Variants in RSBN1L observed in about 807,000 individuals in gnomAD.
RSBN1L encodes the protein round spermatid basic protein 1 like.
RSBN1L carries 30 observed loss-of-function variants against 67.7 expected under a neutral mutation model. The observed-to-expected ratio is 0.44, with a 90% CI of 0.33 to 0.60. The LOEUF is 0.60. RSBN1L is among the 20% of genes least tolerant of loss of function. The pLI is 0.02. For missense variants in RSBN1L, 992 were observed against 1,031.7 expected (o/e 0.96, Z 0.53); for synonymous variants, 433 against 387.0 (o/e 1.12, Z -1.39).
Position 77,748,403 on chromosome 7 carries a change from C to G in RSBN1L, c.704-1021C>G, listed in dbSNP as rs556719889. On this transcript the variant is annotated intron_variant, in intron 2 of 7. Transcript: ENST00000334955. ...AACATTCTGGGAAAGCAAATTTAAA[C>G]AGATTGAAAACAGAACCAGAATTTA... is the stretch of plus-strand genomic sequence containing the variant. Among the ~76,000 whole-genome samples, 147 of 152,238 alleles carry G rather than the reference C, an allele frequency of 9.7e-4. 1 individual carries two copies. The highest frequency in any genetic ancestry group is 1.7e-3 in the Non-Finnish European group (115 of 68,016).
intron 2 of RSBN1L, 103 bp downstream of exon 2, chr7:77,736,629 C>T (rs937622326): frequency 4.6e-5 from 26 of 562,132 alleles, no homozygotes; most frequent in Non-Finnish European, 7.0e-5. Context: ...CTGAATTTTG[C>T]GGAGAATGAA....
chr7:77,700,088 C>G, intron 1 of RSBN1L, among the ~76,000 whole-genome samples: 1 of 152,126 alleles, frequency 6.6e-6, no homozygotes, highest in East Asian at 1.9e-4. Flanking sequence ...AGCCACCGTG[C>G]CTGGCCAACA....
intron 1 of RSBN1L, among the ~76,000 whole-genome samples, chr7:77,716,553 A>T (rs961944394): frequency 7.1e-6 from 1 of 141,440 alleles, no homozygotes; most frequent in African/African-American, 2.6e-5. Flanking sequence ...AAATTTATTG[A>T]TTAAACTAGG....
At chr7:77,717,907 T>C (rs1373404637) in intron 1 of RSBN1L, among the ~76,000 whole-genome samples, 1 of 152,146 alleles carries the variant, frequency 6.6e-6, no homozygotes, top group East Asian at 1.9e-4. Context: ...TAATCTCAGC[T>C]ACTTGGGAGG....
intron 6 of RSBN1L, among the ~76,000 whole-genome samples, chr7:77,774,749 A>C (rs987615906): frequency 3.4e-4 from 51 of 152,236 alleles, no homozygotes; most frequent in African/African-American, 1.1e-3. Context: ...ACCACCAACA[A>C]CAACAAAAAA....
intron 5 of RSBN1L, among the ~76,000 whole-genome samples, chr7:77,772,221 C>G (rs6974042): frequency 0.023 from 3,441 of 151,844 alleles, 124 homozygotes; most frequent in African/African-American, 0.078. Flanking sequence ...CAGGGGTGCA[C>G]AAAGAGTAGT....
At chr7:77,698,013 A>T (rs185128474) in intron 1 of RSBN1L, among the ~76,000 whole-genome samples, 128 of 152,328 alleles carry the variant, frequency 8.4e-4, no homozygotes, top group South Asian at 1.2e-3. Flanking sequence ...GCACTGCTAC[A>T]CAGTGTTGTC....
intron 1 of RSBN1L, among the ~76,000 whole-genome samples, chr7:77,715,463 C>G (rs1791035027): frequency 6.6e-6 from 1 of 151,922 alleles, no homozygotes; most frequent in South Asian, 2.1e-4. Context: ...CGCCACCACA[C>G]TCGGGTAATT....
intron 1 of RSBN1L, among the ~76,000 whole-genome samples, chr7:77,707,789 A>G (rs1790915187): frequency 6.6e-6 from 1 of 152,214 alleles, no homozygotes; most frequent in African/African-American, 2.4e-5. Flanking sequence ...TCATAAGCTT[A>G]TGCAGTGAGT....
At chr7:77,718,389 C>T (rs1453741591) in intron 1 of RSBN1L, among the ~76,000 whole-genome samples, 1 of 152,138 alleles carries the variant, frequency 6.6e-6, no homozygotes, top group Non-Finnish European at 1.5e-5. Flanking sequence ...CTTCTGGGCT[C>T]AGTTGATCCT....
At chr7:77,722,024 T>C (rs760284434) in intron 1 of RSBN1L, among the ~76,000 whole-genome samples, 10 of 152,226 alleles carry the variant, frequency 6.6e-5, no homozygotes, top group Non-Finnish European at 1.5e-4. Flanking sequence ...TAAACTGAAC[T>C]GGTCAAGTGA....
rs6965256 is a variant in RSBN1L at position 77,773,460 on chromosome 7, A to C, written c.1793+146A>C. 7.7e-3 allele frequency: 4,054 copies of C among 528,890 alleles called. 117 individuals are homozygous for C. Among genetic ancestry groups the C allele is most frequent in the African/African-American group, 0.069 (3,527 of 51,452 alleles). The allele number at this position is 528,890 out of a possible 1,614,324, so 32.8% of individuals were successfully genotyped here. On this transcript the variant is annotated intron_variant, in intron 6 of 7. Coordinates refer to ENST00000334955, the MANE Select transcript of RSBN1L (RefSeq NM_198467.3). ...ATATCTTAATTGTATAATTGTACTA[A>C]AGATTTTAAATTGCTAGAATCTGGC...
intron 3 of RSBN1L, among the ~76,000 whole-genome samples, chr7:77,751,359 C>T (rs962902949): frequency 1.3e-5 from 2 of 152,050 alleles, no homozygotes; most frequent in African/African-American, 2.4e-5. Flanking sequence ...AGGGTGGTCT[C>T]GAACTCCTGA....
At chr7:77,768,895 A>G (rs542174553) in intron 5 of RSBN1L, 92 bp downstream of exon 5, 136 of 1,048,190 alleles carry the variant, frequency 1.3e-4, no homozygotes, top group East Asian at 9.3e-4. Flanking sequence ...GAGGAATGCA[A>G]AGTTTAGAGC....
At chr7:77,764,785 C>T (rs1244122824) in intron 3 of RSBN1L, among the ~76,000 whole-genome samples, 1 of 152,094 alleles carries the variant, frequency 6.6e-6, no homozygotes. Context: ...CGCCGGCCAC[C>T]ACACTCGGCT....
intron 1 of RSBN1L, among the ~76,000 whole-genome samples, chr7:77,715,136 G>A (rs2150414506): frequency 6.6e-6 from 1 of 152,030 alleles, no homozygotes; most frequent in African/African-American, 2.4e-5. Flanking sequence ...GTCAGGTGTG[G>A]TGGCATGTGC....
At chr7:77,762,769 G>A (rs1308938546) in intron 3 of RSBN1L, among the ~76,000 whole-genome samples, 3 of 151,738 alleles carry the variant, frequency 2.0e-5, no homozygotes, top group Admixed American at 6.6e-5. Flanking sequence ...AATTGGTTCC[G>A]GTTTTCTGAT....
intron 1 of RSBN1L, among the ~76,000 whole-genome samples, chr7:77,730,796 C>G (rs548503837): frequency 1.3e-5 from 2 of 152,250 alleles, no homozygotes; most frequent in East Asian, 1.9e-4. Flanking sequence ...CATGGTTGTT[C>G]CCAAGTTTTG....
chr7:77,758,083 T>C (rs1791644203), intron 3 of RSBN1L, among the ~76,000 whole-genome samples: 1 of 152,204 alleles, frequency 6.6e-6, no homozygotes, highest in Non-Finnish European at 1.5e-5. Flanking sequence ...CTCTAGGTAA[T>C]TAAGTAGCAC....
Sources: gnomAD v4.1 joint callset for allele counts (sites outside exome capture counted in the v4.1 genomes callset) on GRCh38, gnomAD v4.1.1 for gene constraint, MANE v1.5 for transcripts, NCBI Gene and HGNC (gene_info 2026-07-23, HGNC 2026-07-21) for gene names.